The following MMP19 variants were observed in gnomAD, a reference collection of about 807,000 sequenced individuals.
The protein encoded by MMP19 is matrix metallopeptidase 19, also known as matrix metalloproteinase-19.
In MMP19, 47 loss-of-function variants were observed where a neutral mutation model predicts 46.6. The ratio of observed to expected loss-of-function variants is 1.01; its 90% CI spans 0.80 to 1.29. The LOEUF (loss-of-function observed/expected upper bound fraction) is 1.29. MMP19 is among the 50% of genes most tolerant of loss of function. The pLI is 0.00. For synonymous variants in MMP19, 222 were observed against 248.5 expected, an observed-to-expected ratio of 0.89 and a Z score of 1.00; for missense variants, 589 against 643.5, an observed-to-expected ratio of 0.92 and a Z score of 0.92.
intron 3 of MMP19, 51 bp from the exon 4 acceptor site, chr12:55,840,933 CCA>C (rs1310352114): frequency 6.5e-7 from 1 of 1,537,916 alleles, no homozygotes; most frequent in Admixed American, 2.0e-5. Context: ...TCTGCCAACC[CCA>C]GAGAGCTCCT....
intron 6 of MMP19, 73 bp downstream of exon 6, chr12:55,838,533 C>T: frequency 6.2e-7 from 1 of 1,613,040 alleles, no homozygotes; most frequent in Non-Finnish European, 8.5e-7. Context: ...CATGTCACTC[C>T]CATTTGTCCA....
intron 4 of MMP19, among the ~76,000 whole-genome samples, chr12:55,840,389 G>A (rs1297902585): frequency 1.6e-5 from 2 of 122,652 alleles, no homozygotes; most frequent in African/African-American, 3.0e-5. Flanking sequence ...GGGAGGGAGA[G>A]AGAGAAGGAG....
rs1881181577 is a variant in MMP19, at chr12:55,835,954, C to T, written c.*1082G>A. 6.6e-6 allele frequency: 1 copy of T among 152,326 alleles called. No individual in the cohort carries two copies. Among genetic ancestry groups the T allele is most frequent in the African/African-American group, 2.4e-5 (1 of 41,452 alleles). The allele number at this position is 152,326 out of a possible 1,614,324, so 9.4% of individuals were successfully genotyped here. A position where few individuals can be genotyped will look rare whatever the true frequency, so the allele number is the denominator to read the frequency against. On this transcript the variant is annotated 3_prime_UTR_variant, in exon 9 of 9. Coordinates refer to ENST00000322569, the MANE Select transcript of MMP19 (RefSeq NM_002429.6). ...TTGCTCCAAGGAGAGAGCATTGACC[C>T]ACCTGCCAGAGTCTTGCCTTTTGCC...
At position 55,837,823 on chromosome 12, in the gene MMP19, A is replaced by C; in HGVS notation, c.1060+20T>G. On this transcript the variant is annotated intron_variant, in intron 7 of 8. Coordinates refer to ENST00000322569, the MANE Select transcript of MMP19 (RefSeq NM_002429.6). The stretch of plus-strand genomic sequence containing the variant: ...AGATTAGGCCCTCCTCAAGTAAGAC[A>C]CTGTAACTAGCCTCCTTACCCTTAA... 6.3e-7 allele frequency: 1 copy of C among 1,596,402 alleles called. No homozygotes were observed. Among genetic ancestry groups the C allele is most frequent in the Non-Finnish European group, 8.6e-7 (1 of 1,167,700 alleles).
rs769782930 is a variant in MMP19, at chr12:55,837,201, C to T, written c.1362G>A (p.Gln454=). Reference sequence around the variant, plus strand: ...TGGGATAGCCTTTCTCTACTCGAAGCTGCTGGTTGAGGCGCCAGTAGACTT... The same window carrying T: ...TGGGATAGCCTTTCTCTACTCGAAGTTGCTGGTTGAGGCGCCAGTAGACTT... ...KGKVYWRLNQ[Q]LRVEKGYPRN... Residue 454 remains glutamine (Q), a synonymous_variant, in exon 9 of 9, where the codon CAG becomes CAA. Transcript: ENST00000322569. The T allele has an allele frequency of 6.2e-7, 1 of 1,614,210 alleles. No individual in the cohort carries two copies. Among genetic ancestry groups the T allele is most frequent in the South Asian group, 1.1e-5 (1 of 91,082 alleles).
intron 2 of MMP19, chr12:55,841,495 C>T (rs1881691747): frequency 4.9e-6 from 2 of 404,718 alleles, no homozygotes; most frequent in Non-Finnish European, 9.1e-6. Context: ...GTGTAGCCTT[C>T]CTCCTCTACT....
At chr12:55,841,544 T>G in intron 2 of MMP19, 1 of 261,030 alleles carries the variant, frequency 3.8e-6, no homozygotes. Context: ...CCTTCCTTCC[T>G]TCCTTCCTTC....
chr12:55,840,227 T>C (rs919871474), intron 4 of MMP19, among the ~76,000 whole-genome samples: 15 of 151,302 alleles, frequency 9.9e-5, no homozygotes, highest in African/African-American at 3.7e-4. Context: ...GGCGGGAGGA[T>C]CACTTGAGCC....
chr12:55,836,809 G>A lies in MMP19; in HGVS notation c.*227C>T. 1 of 436,146 alleles carries A rather than the reference G, an allele frequency of 2.3e-6. No individual in the cohort carries two copies. Among genetic ancestry groups the A allele is most frequent in the Non-Finnish European group, 4.1e-6 (1 of 245,846 alleles). 27.0% of individuals were successfully genotyped at this position (436,146 alleles called of 1,614,324 possible). ...TCTAAGTTAGGGGATCTGAGTTAGG[G>A]GAGCACTTCTCAGGAGTGAAAATGC... On this transcript the variant is annotated 3_prime_UTR_variant, in exon 9 of 9. Coordinates refer to ENST00000322569, the MANE Select transcript of MMP19 (RefSeq NM_002429.6).
intron 6 of MMP19, chr12:55,838,245 A>C: frequency 4.8e-6 from 3 of 620,762 alleles, no homozygotes; most frequent in Non-Finnish European, 8.4e-6. Context: ...GCAGATAGCT[A>C]TTCCTCCTTA....
Position 55,837,366 on chromosome 12 carries a change from C to A in MMP19, c.1197G>T (p.Gly399=), listed in dbSNP as rs1487843809. ...NQKVFLFKGS[G]YWQWDELART... The stretch of plus-strand genomic sequence containing the variant: ...GGGCTAGCTCGTCCCACTGCCAGTA[C>A]CCGGAGCCCTGGATATGGGATGGGT... Residue 399 remains glycine (G), a synonymous_variant, in exon 9 of 9, where the codon GGG becomes GGT. Transcript: ENST00000322569. The A allele has an allele frequency of 2.5e-6, 4 of 1,599,272 alleles. No homozygotes were observed. The African/African-American group carries it at 4.0e-5, about 16-fold the overall frequency.
chr12:55,839,382 T>C, intron 5 of MMP19, 114 bp downstream of exon 5: 2 of 1,329,748 alleles, frequency 1.5e-6, no homozygotes, highest in Non-Finnish European at 2.0e-6. Context: ...GTAACTGGGC[T>C]GGAGGAGAAG....
rs773760668 is a variant in MMP19, at chr12:55,841,160, G to A, written c.250C>T (p.Arg84Cys). 1.2e-5 allele frequency: 19 copies of A among 1,613,734 alleles called. No homozygotes were observed. Among genetic ancestry groups the A allele is most frequent in the African/African-American group, 8.0e-5 (6 of 74,910 alleles). The change falls in exon 3 of 9, where the codon CGT becomes TGT. Residue 84 changes from arginine (R) to cysteine (C), a missense_variant. Coordinates refer to ENST00000322569, the MANE Select transcript of MMP19 (RefSeq NM_002429.6). ...TTGAAGGGATCCTCTAGGCCACAAC[G>A]AGGCTGCCTCATGCGGGCCCTTGTG... ...DATRARMRQP[R>C]CGLEDPFNQK...
chr12:55,840,914 A>G lies in MMP19; in HGVS notation c.305-32T>C, dbSNP rs547373998. Reference sequence around the variant, plus strand: ...AATGACCAGAAAACAGATTAGAAATACAGATCCTTCTGCCAACCCCAGAGA... The same window carrying G: ...AATGACCAGAAAACAGATTAGAAATGCAGATCCTTCTGCCAACCCCAGAGA... On this transcript the variant is annotated intron_variant, in intron 3 of 8. Coordinates refer to ENST00000322569, the MANE Select transcript of MMP19 (RefSeq NM_002429.6). 5.2e-6 allele frequency: 8 copies of G among 1,545,090 alleles called. No homozygotes were observed. The South Asian group carries it at 7.4e-5, about 14-fold the overall frequency.
chr12:55,836,951 G>T lies in MMP19; in HGVS notation c.*85C>A, dbSNP rs922965051. 8 of 1,241,666 alleles carry T rather than the reference G, an allele frequency of 6.4e-6. No individual in the cohort carries two copies. The highest frequency in any genetic ancestry group is 9.0e-6 in the Non-Finnish European group (8 of 892,522). The allele number at this position is 1,241,666 out of a possible 1,614,324, so 76.9% of individuals were successfully genotyped here. A position where few individuals can be genotyped will look rare whatever the true frequency, so the allele number is the denominator to read the frequency against. The stretch of plus-strand genomic sequence containing the variant: ...GACAGGTATTTCATTCAGCTATTAG[G>T]CCTTAGGCTTCTGGGGGGGAAATGA... On this transcript the variant is annotated 3_prime_UTR_variant, in exon 9 of 9. Transcript: ENST00000322569.
In MMP19 at chr12:55,837,908, C is replaced by T. The variant is rs1881370531; in HGVS notation, c.995G>A (p.Gly332Glu). 6.2e-7 allele frequency: 1 copy of T among 1,613,322 alleles called. No individual in the cohort carries two copies. Among genetic ancestry groups the T allele is most frequent in the Admixed American group, 1.7e-5 (1 of 59,984 alleles). The change falls in exon 7 of 9, where the codon GGG (glycine) becomes GAG (glutamate). Residue 332 changes from glycine (G) to glutamate (E), a missense_variant. Physicochemically the swap from Gly to Glu is moderately conservative, Grantham distance 98. Transcript: ENST00000322569. The stretch of plus-strand genomic sequence containing the variant: ...AGCAGCATCCAGGTTTCCGGGGAGC[C>T]CCTCCCAAAGGGCAGACACTCGGAA... ...PLFRVSALWE[G>E]LPGNLDAAVY...
chr12:55,839,467 C>A (rs1338407418), intron 5 of MMP19, 29 bp downstream of exon 5: 1 of 1,579,154 alleles, frequency 6.3e-7, no homozygotes, highest in South Asian at 1.1e-5. Flanking sequence ...TCAGACTGAC[C>A]CTCCCCCTCA....
chr12:55,837,624 C>A lies in MMP19; in HGVS notation c.1119G>T (p.Leu373=). Residue 373 remains leucine (L), a synonymous_variant, in exon 8 of 9, where the codon CTG becomes CTT. Coordinates refer to ENST00000322569, the MANE Select transcript of MMP19 (RefSeq NM_002429.6). Reference sequence around the variant, plus strand: ...CATCCAGGTTAGGTTCTACCCTATTCAGCTTCTTGGGGAAGCCAGGAGACA... The same window carrying A: ...CATCCAGGTTAGGTTCTACCCTATTAAGCTTCTTGGGGAAGCCAGGAGACA... ...FKMSPGFPKK[L]NRVEPNLDAA... 6.2e-7 allele frequency: 1 copy of A among 1,614,194 alleles called. No homozygotes were observed. The highest frequency in any genetic ancestry group is 1.1e-5 in the South Asian group (1 of 91,080).
chr12:55,842,267 G>C, intron 2 of MMP19, 86 bp downstream of exon 2: 1 of 1,054,510 alleles, frequency 9.5e-7, no homozygotes, highest in Non-Finnish European at 1.5e-6. Flanking sequence ...GGGTCAGGAG[G>C]AGGTGGGCCT....
Sources: gnomAD v4.1 joint callset for allele counts (sites outside exome capture counted in the v4.1 genomes callset) on GRCh38, gnomAD v4.1.1 for gene constraint, MANE v1.5 for transcripts, NCBI Gene and HGNC (gene_info 2026-07-23, HGNC 2026-07-21) for gene names.